The following KIAA1217 variants were observed in gnomAD, a reference collection of about 807,000 sequenced individuals.
The protein encoded by KIAA1217 is sickle tail protein homolog.
In KIAA1217, 88 loss-of-function variants were observed where a neutral mutation model predicts 163.9. The observed-to-expected ratio is 0.54, with a 90% CI of 0.45 to 0.64. KIAA1217 has a LOEUF of 0.64. Ranked by LOEUF, KIAA1217 falls within the 30% of genes least tolerant of loss-of-function variation. KIAA1217 has a pLI of 0.00. For missense variants in KIAA1217, 2,372 were observed against 2,475.0 expected (o/e 0.96, Z 0.88); for synonymous variants, 903 against 923.1 (o/e 0.98, Z 0.39).
intron 2 of KIAA1217, among the ~76,000 whole-genome samples, chr10:24,134,643 A>G (rs1042586608): frequency 1.3e-5 from 2 of 152,090 alleles, no homozygotes; most frequent in African/African-American, 4.8e-5. Flanking sequence ...GCATGATCAG[A>G]GCTCACTGCA....
At chr10:23,778,542 A>T (rs990303629) in intron 1 of KIAA1217, among the ~76,000 whole-genome samples, 8 of 152,166 alleles carry the variant, frequency 5.3e-5, no homozygotes, top group Admixed American at 6.5e-5. Flanking sequence ...GTTGTGGGGA[A>T]TCTGGAGGCA....
intron 1 of KIAA1217, among the ~76,000 whole-genome samples, chr10:23,725,840 AT>A (rs1838101623): frequency 6.6e-6 from 1 of 152,216 alleles, no homozygotes; most frequent in African/African-American, 2.4e-5. Flanking sequence ...TAGCGTTCCA[AT>A]TCTAGACCAA....
chr10:24,532,175 C>T (rs893277255), intron 15 of KIAA1217, among the ~76,000 whole-genome samples, 182 bp downstream of exon 15: 1 of 152,206 alleles, frequency 6.6e-6, no homozygotes, highest in Non-Finnish European at 1.5e-5. Context: ...TAGACCCAGA[C>T]CATGAGTTTT....
chr10:24,015,226 T>C (rs991584720), intron 2 of KIAA1217, among the ~76,000 whole-genome samples: 1 of 152,140 alleles, frequency 6.6e-6, no homozygotes, highest in Non-Finnish European at 1.5e-5. Context: ...TTAGTCTACA[T>C]GCCTATCTGT....
At chr10:23,972,500 A>T (rs1417618202) in intron 1 of KIAA1217, among the ~76,000 whole-genome samples, 2 of 152,054 alleles carry the variant, frequency 1.3e-5, no homozygotes, top group Non-Finnish European at 2.9e-5. Context: ...TTCTCAGCAA[A>T]CTAACACAAG....
chr10:24,374,137 T>C (rs1284832889), intron 2 of KIAA1217, among the ~76,000 whole-genome samples: 1 of 152,116 alleles, frequency 6.6e-6, no homozygotes, highest in Admixed American at 6.6e-5. Flanking sequence ...GGATATTTCA[T>C]CAAAATAAAT....
At chr10:24,418,347 C>G (rs1338619790) in intron 3 of KIAA1217, among the ~76,000 whole-genome samples, 1 of 152,162 alleles carries the variant, frequency 6.6e-6, no homozygotes, top group Non-Finnish European at 1.5e-5. Context: ...AAAAGCTAAT[C>G]AAGTTGATAC....
intron 9 of KIAA1217, among the ~76,000 whole-genome samples, chr10:24,510,142 G>A (rs753945370): frequency 1.3e-5 from 2 of 152,172 alleles, no homozygotes; most frequent in African/African-American, 2.4e-5. Context: ...ACAACTTGGG[G>A]TGGTGGGGAA....
chr10:23,971,403 C>A (rs1309671798), intron 1 of KIAA1217, among the ~76,000 whole-genome samples: 1 of 152,188 alleles, frequency 6.6e-6, no homozygotes, highest in Non-Finnish European at 1.5e-5. Context: ...CCCATGGCAA[C>A]AAATTATTAC....
intron 1 of KIAA1217, among the ~76,000 whole-genome samples, chr10:23,758,022 A>G (rs1484197079): frequency 6.6e-6 from 1 of 152,118 alleles, no homozygotes; most frequent in Non-Finnish European, 1.5e-5. Flanking sequence ...TTACTCCTTT[A>G]ATAGTGCCTT....
chr10:24,216,893 G>A (rs568349509), intron 1 of KIAA1217, among the ~76,000 whole-genome samples: 3 of 149,760 alleles, frequency 2.0e-5, no homozygotes, highest in Admixed American at 2.0e-4. Context: ...ATAGCCAGAT[G>A]TGGTGGCACA....
chr10:24,109,053 A>G (rs12248481), intron 2 of KIAA1217, among the ~76,000 whole-genome samples: 4,852 of 152,112 alleles, frequency 0.032, 251 homozygotes, highest in African/African-American at 0.11. Context: ...GCTGCTCTTG[A>G]ACTCCTGACC....
chr10:23,905,321 A>G (rs1842116473), intron 1 of KIAA1217, among the ~76,000 whole-genome samples: 1 of 151,590 alleles, frequency 6.6e-6, no homozygotes, highest in South Asian at 2.1e-4. Flanking sequence ...AAGTCTCCCC[A>G]CTCACAAATC....
intron 2 of KIAA1217, among the ~76,000 whole-genome samples, chr10:24,251,081 C>T (rs1442344646): frequency 6.6e-6 from 1 of 151,888 alleles, no homozygotes; most frequent in South Asian, 2.1e-4. Flanking sequence ...CAAAAAATAG[C>T]TGGGTGTGGT....
chr10:24,309,738 A>C (rs2042466694), intron 2 of KIAA1217, among the ~76,000 whole-genome samples: 1 of 152,142 alleles, frequency 6.6e-6, no homozygotes, highest in Non-Finnish European at 1.5e-5. Context: ...GATAATGTGC[A>C]TCTCCTAAAA....
At chr10:24,056,546 A>G (rs2060538968) in intron 2 of KIAA1217, among the ~76,000 whole-genome samples, 1 of 152,132 alleles carries the variant, frequency 6.6e-6, no homozygotes, top group Admixed American at 6.5e-5. Context: ...AAAGCCAAAA[A>G]TGCTATTTAA....
chr10:24,285,099 T>C (rs2078409464), intron 2 of KIAA1217, among the ~76,000 whole-genome samples: 1 of 152,222 alleles, frequency 6.6e-6, no homozygotes, highest in South Asian at 2.1e-4. Flanking sequence ...TCTTGTTGAA[T>C]TGTTTAAGTT....
chr10:23,978,357 TTC>T (rs1255325866), intron 1 of KIAA1217, among the ~76,000 whole-genome samples: 4 of 152,224 alleles, frequency 2.6e-5, no homozygotes, highest in Admixed American at 2.0e-4. Flanking sequence ...TGGTGATTTT[TTC>T]TTTCTTCTGG....
At chr10:24,358,825 C>T (rs550346582) in intron 2 of KIAA1217, among the ~76,000 whole-genome samples, 1 of 152,188 alleles carries the variant, frequency 6.6e-6, no homozygotes, top group Non-Finnish European at 1.5e-5. Context: ...AAACTCACTA[C>T]TTTGAAAGCC....
Sources: gnomAD v4.1 joint callset for allele counts (sites outside exome capture counted in the v4.1 genomes callset) on GRCh38, gnomAD v4.1.1 for gene constraint, MANE v1.5 for transcripts, NCBI Gene and HGNC (gene_info 2026-07-23, HGNC 2026-07-21) for gene names.